Variants in PARD3B observed in about 807,000 individuals in gnomAD.
PARD3B encodes partitioning defective 3 homolog B.
A neutral mutation model predicts 130.2 loss-of-function variants in PARD3B; 103 were observed. The ratio of observed to expected loss-of-function variants is 0.79; its 90% CI spans 0.67 to 0.93. PARD3B has a LOEUF of 0.93. Ranked by LOEUF, PARD3B falls within the 40% of genes least tolerant of loss-of-function variation. The pLI, the probability that PARD3B is intolerant of heterozygous loss-of-function variation, is 0.00. For synonymous variants in PARD3B, 583 were observed against 553.2 expected (o/e 1.05, Z -0.76); for missense variants, 1,609 against 1,499.2 (o/e 1.07, Z -1.21).
At chr2:204,947,347 G>A (rs1309833388) in intron 2 of PARD3B, among the ~76,000 whole-genome samples, 2 of 152,180 alleles carry the variant, frequency 1.3e-5, no homozygotes, top group South Asian at 2.1e-4. Flanking sequence ...CATGGAGTAA[G>A]TGTAGAGTGA....
At chr2:204,806,668 G>A (rs1180568377) in intron 2 of PARD3B, among the ~76,000 whole-genome samples, 1 of 151,962 alleles carries the variant, frequency 6.6e-6, no homozygotes, top group African/African-American at 2.4e-5. Context: ...TTTAAAAGCT[G>A]CACAACAATG....
chr2:204,854,454 A>T (rs2044837697), intron 2 of PARD3B, among the ~76,000 whole-genome samples: 1 of 152,298 alleles, frequency 6.6e-6, no homozygotes, highest in African/African-American at 2.4e-5. Context: ...GGCAGTATGG[A>T]TAATCTGTTG....
chr2:204,626,644 TTTTTTCCCTCTGTA>T (rs2034497395), intron 1 of PARD3B, among the ~76,000 whole-genome samples: 1 of 152,146 alleles, frequency 6.6e-6, no homozygotes. Flanking sequence ...AGTAAATGTA[TTTTTTCCCTCTGTA>T]TTTTTGGATT....
rs1226386760 is a variant in PARD3B at position 205,470,504 on chromosome 2, C to T, written c.3045-29392C>T. 6.6e-6 allele frequency among the ~76,000 whole-genome samples: 1 copy of T among 152,140 alleles called. No individual in the cohort carries two copies. The highest frequency in any genetic ancestry group is 1.5e-5 in the Non-Finnish European group (1 of 68,034). On this transcript the variant is annotated intron_variant, in intron 20 of 22. Coordinates refer to ENST00000406610, the MANE Select transcript of PARD3B (RefSeq NM_001302769.2). The surrounding 1 kb of genome is among the most constrained non-coding windows in gnomAD (Gnocchi z 4.8). ...AGATTTCAGGAGTTAGAGCATTTCTCCTGAATCTCCCTAAACTCGCATCAG... is the reference window on the plus strand; with the variant it reads ...AGATTTCAGGAGTTAGAGCATTTCTTCTGAATCTCCCTAAACTCGCATCAG...
At chr2:205,613,980 G>T (rs2055328807) in intron 22 of PARD3B, among the ~76,000 whole-genome samples, 1 of 152,126 alleles carries the variant, frequency 6.6e-6, no homozygotes, top group Non-Finnish European at 1.5e-5. Flanking sequence ...TCTGACATTG[G>T]GGAGCTTTCC....
chr2:204,562,689 G>A (rs2031395132), intron 1 of PARD3B, among the ~76,000 whole-genome samples: 1 of 152,020 alleles, frequency 6.6e-6, no homozygotes, highest in Admixed American at 6.6e-5. Flanking sequence ...AGTGTAAGAT[G>A]GATAAATAAT....
At chr2:205,574,869 A>AG (rs948244173) in intron 22 of PARD3B, among the ~76,000 whole-genome samples, 1 of 150,892 alleles carries the variant, frequency 6.6e-6, no homozygotes, top group African/African-American at 2.4e-5. Flanking sequence ...AAAAAAAAAA[A>AG]AAAAGAAAGA....
chr2:204,915,262 A>G (rs2047400222), intron 2 of PARD3B, among the ~76,000 whole-genome samples: 1 of 152,154 alleles, frequency 6.6e-6, no homozygotes. Context: ...CTTCTTGTCA[A>G]AGGGCCTGCG....
chr2:205,418,686 C>T (rs1368158378), intron 19 of PARD3B, among the ~76,000 whole-genome samples: 1 of 152,034 alleles, frequency 6.6e-6, no homozygotes, highest in Non-Finnish European at 1.5e-5. Flanking sequence ...ATTCTTAATC[C>T]CATCAATAAT....
intron 3 of PARD3B, among the ~76,000 whole-genome samples, chr2:205,012,646 A>G (rs909514803): frequency 6.6e-6 from 1 of 152,238 alleles, no homozygotes; most frequent in Non-Finnish European, 1.5e-5. Flanking sequence ...CACTCACAGC[A>G]AACACTTGAT....
At chr2:205,025,324 C>T (rs201381700) in intron 3 of PARD3B, among the ~76,000 whole-genome samples, 5 of 152,144 alleles carry the variant, frequency 3.3e-5, no homozygotes, top group Non-Finnish European at 5.9e-5. Flanking sequence ...CTGTGTTTTT[C>T]GTTTGGACTG....
chr2:205,228,345 G>A (rs2038668321), intron 15 of PARD3B, among the ~76,000 whole-genome samples: 1 of 151,932 alleles, frequency 6.6e-6, no homozygotes, highest in South Asian at 2.1e-4. Context: ...TCTCCTTCAC[G>A]TTTGAAGGAT....
At chr2:204,564,864 A>G (rs2031573640) in intron 1 of PARD3B, among the ~76,000 whole-genome samples, 2 of 152,250 alleles carry the variant, frequency 1.3e-5, no homozygotes, top group Admixed American at 6.5e-5. Flanking sequence ...TAGATATACT[A>G]CATGAAAATT....
At chr2:204,629,090 A>G (rs1320439667) in intron 1 of PARD3B, among the ~76,000 whole-genome samples, 1 of 152,180 alleles carries the variant, frequency 6.6e-6, no homozygotes, top group African/African-American at 2.4e-5. Context: ...TCACTTCAAA[A>G]AGACCTCATG....
At position 205,146,514 on chromosome 2, in the gene PARD3B, G is replaced by A. The variant is rs1030015743; in HGVS notation, c.1435-12208G>A. ...AATACAAAAACATTTATCTGGGCGT[G>A]GTGGCGGGCGCCTGTAGTCCCAGCT... On this transcript the variant is annotated intron_variant, in intron 10 of 22. Transcript: ENST00000406610. This position sits in a 1 kb window ranked among gnomAD's most constrained non-coding sequence, Gnocchi z 4.3. Among the ~76,000 whole-genome samples, 5 of 151,904 alleles carry A rather than the reference G, an allele frequency of 3.3e-5. No homozygotes were observed. Among genetic ancestry groups the A allele is most frequent in the East Asian group, 2.0e-4 (1 of 4,998 alleles).
intron 21 of PARD3B, among the ~76,000 whole-genome samples, chr2:205,501,442 T>A (rs926239741): frequency 6.6e-6 from 1 of 152,188 alleles, no homozygotes; most frequent in Non-Finnish European, 1.5e-5. Context: ...TTCCACAGAA[T>A]AACAGATTAG....
At chr2:205,130,062 T>G (rs528568604) in intron 10 of PARD3B, among the ~76,000 whole-genome samples, 2 of 152,224 alleles carry the variant, frequency 1.3e-5, no homozygotes, top group Non-Finnish European at 2.9e-5. Flanking sequence ...TTACAACTAT[T>G]TAGCTGTTTC....
intron 21 of PARD3B, among the ~76,000 whole-genome samples, chr2:205,531,913 G>A (rs959060067): frequency 4.6e-5 from 7 of 152,044 alleles, no homozygotes; most frequent in African/African-American, 1.7e-4. Context: ...GTGGAAGGAT[G>A]GGTTGATTAT....
intron 18 of PARD3B, among the ~76,000 whole-genome samples, chr2:205,313,059 G>A (rs948568765): frequency 6.6e-6 from 1 of 152,170 alleles, no homozygotes; most frequent in African/African-American, 2.4e-5. Flanking sequence ...TTGTGAACAT[G>A]AGAATGTAAA....
Sources: gnomAD v4.1 joint callset for allele counts (sites outside exome capture counted in the v4.1 genomes callset) on GRCh38, gnomAD v4.1.1 for gene constraint, Gnocchi (gnomAD v3.1) non-coding constraint, MANE v1.5 for transcripts, NCBI Gene and HGNC (gene_info 2026-07-23, HGNC 2026-07-21) for gene names.